Variants in SETX observed in about 807,000 individuals in gnomAD.
The protein encoded by SETX is helicase senataxin.
Under a neutral mutation model 227.2 loss-of-function variants are expected in SETX, and 90 were observed. The ratio of observed to expected loss-of-function variants is 0.40; its 90% confidence interval spans 0.33 to 0.47. The LOEUF (loss-of-function observed/expected upper bound fraction) is 0.47, where lower values mean the gene tolerates loss of function less well. Among genes scored for constraint, SETX ranks in the 20% least tolerant of loss-of-function variants. The pLI is 0.91. For synonymous variants in SETX, 1,210 were observed against 1,113.2 expected (o/e 1.09, Z -1.73); for missense variants, 3,052 against 3,181.5 (o/e 0.96, Z 0.98).
At chr9:132,313,166 A>AT (rs1362979334) in intron 10 of SETX, among the ~76,000 whole-genome samples, 2 of 152,220 alleles carry the variant, frequency 1.3e-5, no homozygotes, top group African/African-American at 4.8e-5. Context: ...GGTGATGGCT[A>AT]TACAACTATA....
At chr9:132,269,176 G>T (rs919666193) in intron 25 of SETX, among the ~76,000 whole-genome samples, 1 of 152,272 alleles carries the variant, frequency 6.6e-6, no homozygotes, top group African/African-American at 2.4e-5. Flanking sequence ...GAGGCGCTAA[G>T]TGCTGGAGAA....
upstream of SETX, among the ~76,000 whole-genome samples, chr9:132,355,521 C>A (rs58442235): frequency 1.5e-3 from 223 of 152,360 alleles, 1 homozygote; most frequent in African/African-American, 5.1e-3. Context: ...GTCTTGCGAA[C>A]AATGCGCGCG....
intron 10 of SETX, among the ~76,000 whole-genome samples, chr9:132,314,599 T>C (rs907025859): frequency 1.3e-5 from 2 of 152,128 alleles, no homozygotes; most frequent in South Asian, 2.1e-4. Context: ...AGAAGCAAAC[T>C]ATGTTCCTTT....
At chr9:132,292,379 T>C (rs1257727204) in intron 15 of SETX, among the ~76,000 whole-genome samples, 36 of 131,572 alleles carry the variant, frequency 2.7e-4, no homozygotes, top group Non-Finnish European at 2.1e-4. Flanking sequence ...CACTGAGCCA[T>C]GATCATGCCA....
At chr9:132,347,020 T>A (rs2131561229) in intron 3 of SETX, among the ~76,000 whole-genome samples, 1 of 152,104 alleles carries the variant, frequency 6.6e-6, no homozygotes, top group South Asian at 2.1e-4. Flanking sequence ...TTTGAGAGGC[T>A]GAGGTGGGCG....
intron 10 of SETX, among the ~76,000 whole-genome samples, chr9:132,313,681 A>G (rs1382713750): frequency 1.3e-5 from 2 of 152,202 alleles, no homozygotes; most frequent in African/African-American, 2.4e-5. Flanking sequence ...TTCACACTAA[A>G]TGAAATAACT....
chr9:132,304,941 G>C (rs963290447), intron 11 of SETX, among the ~76,000 whole-genome samples: 2 of 152,108 alleles, frequency 1.3e-5, no homozygotes, highest in East Asian at 1.9e-4. Context: ...GATGCAGTGA[G>C]CTGAGATCAC....
At chr9:132,286,857 A>G (rs188416380) in intron 17 of SETX, among the ~76,000 whole-genome samples, 13 of 152,362 alleles carry the variant, frequency 8.5e-5, no homozygotes, top group African/African-American at 2.9e-4. Flanking sequence ...CTTCTTAAAA[A>G]TAGGGATTAG....
intron 6 of SETX, among the ~76,000 whole-genome samples, chr9:132,335,346 G>C (rs538480864): frequency 8.1e-6 from 1 of 123,700 alleles, no homozygotes; most frequent in Non-Finnish European, 1.6e-5. Flanking sequence ...AGCCGAGATC[G>C]CGCGACTGCA....
chr9:132,283,081 A>C, intron 19 of SETX, 183 bp downstream of exon 19: 1 of 741,272 alleles, frequency 1.3e-6, no homozygotes. Flanking sequence ...TGGAAAATCC[A>C]CTTTCACTAT....
chr9:132,302,147 G>A (rs1356872555), intron 11 of SETX, among the ~76,000 whole-genome samples: 3 of 150,930 alleles, frequency 2.0e-5, no homozygotes, highest in African/African-American at 4.9e-5. Context: ...CATGAGGTCA[G>A]GAGATCGAGA....
At chr9:132,300,045 G>A (rs528197524) in intron 12 of SETX, among the ~76,000 whole-genome samples, 101 of 144,730 alleles carry the variant, frequency 7.0e-4, no homozygotes, top group Non-Finnish European at 9.8e-4. Context: ...CAGGAGAATC[G>A]CTTGAACCCA....
rs560610768 is a variant in SETX, at chr9:132,335,980, G to A, written c.718+316C>T. On this transcript the variant is annotated intron_variant, in intron 6 of 25. Coordinates refer to ENST00000224140, the MANE Select transcript of SETX (RefSeq NM_015046.7). ...TACAGGGCCGGGCGCGGTAGCTCAC[G>A]CCTGTAATCCCAGCACTTTAGGAGG... Among the ~76,000 whole-genome samples the A allele has an allele frequency of 3.3e-5, 5 of 152,236 alleles. No individual in the cohort carries two copies. The South Asian group carries it at 6.2e-4, about 19-fold the overall frequency.
At chr9:132,281,044 G>A (rs1014242048) in intron 20 of SETX, among the ~76,000 whole-genome samples, 1 of 152,130 alleles carries the variant, frequency 6.6e-6, no homozygotes, top group African/African-American at 2.4e-5. Flanking sequence ...TCCTCAATTT[G>A]TACATATTTA....
rs772907840 is a variant in SETX, at chr9:132,329,308, C to G, written c.2290G>C (p.Asp764His). Residue 764 changes from aspartate to histidine, a missense_variant, in exon 10 of 26, where the codon GAT (aspartate) becomes CAT (histidine). By Grantham distance (81) the Asp-to-His change is moderately conservative (BLOSUM62 -1). This residue lies in a region of SETX where 1,483 missense variants were observed against 1,312.0 expected (regional missense o/e 1.13). Coordinates refer to ENST00000224140, the MANE Select transcript of SETX (RefSeq NM_015046.7). ...AGAGCATCATCCTTTAAAGAGAAAT[C>G]TTCATTCGATGTGGACACTTTTTCC... ...ALEKVSTSNE[D>H]FSLKDDALAK... 2.5e-6 allele frequency: 4 copies of G among 1,613,782 alleles called. No individual in the cohort carries two copies. In the South Asian group the frequency reaches 3.3e-5, roughly 13 times the overall value.
In SETX at chr9:132,312,415, G is replaced by A. The variant is rs532035338; in HGVS notation, c.5275-559C>T. On this transcript the variant is annotated intron_variant, in intron 10 of 25. Coordinates refer to ENST00000224140, the MANE Select transcript of SETX (RefSeq NM_015046.7). ...AGACTATTCCCAATCCCAAATTTAGGAAGACTACTAGTATAAAAAAGTCAT... is the reference window on the plus strand; with the variant it reads ...AGACTATTCCCAATCCCAAATTTAGAAAGACTACTAGTATAAAAAAGTCAT... 2.3e-3 allele frequency among the ~76,000 whole-genome samples: 354 copies of A among 152,254 alleles called. 1 individual carries two copies. Among genetic ancestry groups the A allele is most frequent in the Middle Eastern group, 3.4e-3 (1 of 294 alleles).
At chr9:132,291,224 T>C (rs541746262) in intron 15 of SETX, among the ~76,000 whole-genome samples, 102 of 136,160 alleles carry the variant, frequency 7.5e-4, no homozygotes, top group African/African-American at 2.7e-3. Flanking sequence ...TGGAGTGCAA[T>C]GGCGCAATCT....
intron 10 of SETX, among the ~76,000 whole-genome samples, chr9:132,320,425 C>A (rs1846245937): frequency 6.6e-6 from 1 of 151,630 alleles, no homozygotes; most frequent in Non-Finnish European, 1.5e-5. Flanking sequence ...AATACAAAAA[C>A]AAAAATTAGC....
chr9:132,294,749 C>CAGCT, intron 15 of SETX, among the ~76,000 whole-genome samples: 1 of 152,294 alleles, frequency 6.6e-6, no homozygotes, highest in South Asian at 2.1e-4. Context: ...GGAGCTGGAG[C>CAGCT]AGCTATCCTG....
Sources: gnomAD v4.1 joint callset for allele counts (sites outside exome capture counted in the v4.1 genomes callset) on GRCh38, gnomAD v4.1.1 for gene constraint, gnomAD v4.1.1 regional missense constraint, MANE v1.5 for transcripts, NCBI Gene and HGNC (gene_info 2026-07-23, HGNC 2026-07-21) for gene names.